The following SLC44A3 variants were observed in gnomAD, a reference collection of about 807,000 sequenced individuals.
The protein encoded by SLC44A3 is solute carrier family 44 member 3, also known as choline transporter-like protein 3.
In SLC44A3, 74 loss-of-function variants were observed where a neutral mutation model predicts 75.4. The ratio of observed to expected loss-of-function variants is 0.98; its 90% confidence interval spans 0.81 to 1.19. The LOEUF (loss-of-function observed/expected upper bound fraction) is 1.19, where lower values mean the gene tolerates loss of function less well. SLC44A3 is among the 50% of genes most tolerant of loss of function. SLC44A3 has a pLI of 0.00. For missense variants in SLC44A3, 700 were observed against 778.6 expected, an observed-to-expected ratio of 0.90 and a Z score of 1.20; for synonymous variants, 310 against 296.9, an observed-to-expected ratio of 1.04 and a Z score of -0.45.
chr1:94,825,862 A>G, intron 3 of SLC44A3: 2 of 456,260 alleles, frequency 4.4e-6, no homozygotes, highest in Non-Finnish European at 8.8e-6. Flanking sequence ...AGGAGGAGGA[A>G]GGGCGACTTA....
intron 13 of SLC44A3, among the ~76,000 whole-genome samples, chr1:94,891,913 ACT>A (rs1206587029): frequency 1.3e-5 from 2 of 152,150 alleles, no homozygotes; most frequent in African/African-American, 2.4e-5. Flanking sequence ...ACAGAACGAG[ACT>A]CTGTCTCAAA....
intron 5 of SLC44A3, among the ~76,000 whole-genome samples, chr1:94,830,481 G>T (rs564046779): frequency 6.6e-6 from 1 of 152,164 alleles, no homozygotes; most frequent in East Asian, 1.9e-4. Flanking sequence ...AAAGTGCTGG[G>T]ATTACAGGCA....
chr1:94,846,146 CAA>C (rs66647106), intron 9 of SLC44A3, among the ~76,000 whole-genome samples: 19 of 120,188 alleles, frequency 1.6e-4, no homozygotes, highest in African/African-American at 1.6e-4. Context: ...GACTCTGTCT[CAA>C]AAAAAAAAAA....
intron 14 of SLC44A3, among the ~76,000 whole-genome samples, chr1:94,894,102 T>TC (rs988000538): frequency 3.3e-5 from 5 of 149,842 alleles, no homozygotes; most frequent in South Asian, 4.2e-4. Flanking sequence ...CTCCACCACC[T>TC]CCCCCCCAAA....
intron 12 of SLC44A3, among the ~76,000 whole-genome samples, chr1:94,873,523 C>G (rs1667978579): frequency 6.6e-6 from 1 of 152,212 alleles, no homozygotes. Flanking sequence ...CTCTCCCCAA[C>G]CTGCTCTGCC....
intron 1 of SLC44A3, 164 bp downstream of exon 1, chr1:94,820,642 C>T: frequency 7.2e-7 from 1 of 1,382,120 alleles, no homozygotes; most frequent in South Asian, 1.7e-5. Context: ...GAACCTGGAC[C>T]CTGCTCCAGT....
intron 8 of SLC44A3, among the ~76,000 whole-genome samples, chr1:94,843,822 G>A (rs545864652): frequency 1.6e-5 from 2 of 126,258 alleles, no homozygotes; most frequent in Admixed American, 2.1e-4. Flanking sequence ...TTGTGTTTGC[G>A]CTTTACAAAG....
chr1:94,891,856 G>A (rs1375747572), intron 13 of SLC44A3, among the ~76,000 whole-genome samples: 1 of 151,926 alleles, frequency 6.6e-6, no homozygotes, highest in Non-Finnish European at 1.5e-5. Context: ...CTGGGAGGCG[G>A]AGGTTGCAGT....
rs939404251 is a variant in SLC44A3 at position 94,864,837 on chromosome 1, A to G, written c.1333A>G (p.Ile445Val). The G allele has an allele frequency of 9.9e-6, 16 of 1,613,898 alleles. No homozygotes were observed. Among genetic ancestry groups the G allele is most frequent in the Admixed American group, 6.7e-5 (4 of 59,990 alleles). ...AACCGTTGTGAAAGGGTCATTTTTA[A>G]TCTCTGTGGTGAGGATTCCGAGAAT... Reference protein sequence around the residue: ...QGTVVKGSFLISVVRIPRIIV... With the variant: ...QGTVVKGSFLVSVVRIPRIIV... The change falls in exon 11 of 15, where the codon ATC becomes GTC. Residue 445 changes from isoleucine to valine, a missense_variant. By Grantham distance (29) the Ile-to-Val change is conservative (BLOSUM62 3). Coordinates refer to ENST00000271227, the MANE Select transcript of SLC44A3 (RefSeq NM_001114106.3).
intron 12 of SLC44A3, among the ~76,000 whole-genome samples, chr1:94,887,664 C>A (rs1669733509): frequency 1.3e-5 from 2 of 152,218 alleles, no homozygotes; most frequent in South Asian, 4.1e-4. Context: ...AAAAAGAAGT[C>A]CCCACAAAAA....
chr1:94,863,780 C>G (rs1011747631), intron 10 of SLC44A3, among the ~76,000 whole-genome samples: 3 of 152,140 alleles, frequency 2.0e-5, no homozygotes, highest in African/African-American at 4.8e-5. Context: ...ATTTGAGTAA[C>G]AGCAAAATGC....
intron 10 of SLC44A3, among the ~76,000 whole-genome samples, chr1:94,861,032 G>A (rs1666509039): frequency 6.6e-6 from 1 of 152,132 alleles, no homozygotes; most frequent in South Asian, 2.1e-4. Flanking sequence ...TGAAGCGTTC[G>A]GTGAGGCCCA....
chr1:94,860,232 G>A (rs1666413634), intron 10 of SLC44A3, among the ~76,000 whole-genome samples: 1 of 151,906 alleles, frequency 6.6e-6, no homozygotes, highest in Admixed American at 6.6e-5. Context: ...ACAAAAGAAG[G>A]GCATAGTGAG....
intron 9 of SLC44A3, among the ~76,000 whole-genome samples, chr1:94,856,307 C>G (rs184489807): frequency 2.0e-5 from 3 of 152,268 alleles, no homozygotes; most frequent in Admixed American, 2.0e-4. Flanking sequence ...GATAAGGAAT[C>G]TAAAACTCCT....
chr1:94,884,388 G>A (rs757164334), intron 12 of SLC44A3, among the ~76,000 whole-genome samples: 8 of 152,230 alleles, frequency 5.3e-5, no homozygotes, highest in African/African-American at 1.4e-4. Context: ...GGTCTGGGAC[G>A]GTTCCTGCCA....
At chr1:94,856,435 A>G (rs1226457147) in intron 9 of SLC44A3, among the ~76,000 whole-genome samples, 2 of 152,206 alleles carry the variant, frequency 1.3e-5, no homozygotes, top group Non-Finnish European at 2.9e-5. Flanking sequence ...GAGGCCCAGT[A>G]GATATTTTAA....
intron 10 of SLC44A3, among the ~76,000 whole-genome samples, chr1:94,858,101 C>T (rs536716686): frequency 1.3e-4 from 19 of 151,938 alleles, no homozygotes; most frequent in South Asian, 1.2e-3. Flanking sequence ...TGTGAGCCAC[C>T]GCACCTGGCT....
intron 5 of SLC44A3, among the ~76,000 whole-genome samples, chr1:94,831,802 C>T (rs1340695304): frequency 3.9e-5 from 6 of 152,306 alleles, no homozygotes; most frequent in Admixed American, 3.9e-4. Flanking sequence ...CAATGACTTC[C>T]TGCAAGTTTG....
intron 3 of SLC44A3, 34 bp downstream of exon 3, chr1:94,824,669 A>G: frequency 6.6e-7 from 1 of 1,507,214 alleles, no homozygotes; most frequent in Non-Finnish European, 8.9e-7. Context: ...GTCTGTAAGG[A>G]ACTGTACCTC....
Sources: gnomAD v4.1 joint callset for allele counts (sites outside exome capture counted in the v4.1 genomes callset) on GRCh38, gnomAD v4.1.1 for gene constraint, MANE v1.5 for transcripts, NCBI Gene and HGNC (gene_info 2026-07-23, HGNC 2026-07-21) for gene names.